GAS7: variants seen among roughly 807,000 people sequenced by gnomAD.
GAS7 encodes the protein growth arrest-specific protein 7.
In GAS7, 28 loss-of-function variants were observed where a neutral mutation model predicts 71.1. That is an observed-to-expected ratio of 0.39 (90% CI 0.29 to 0.54). The LOEUF is 0.54. GAS7 is among the 20% of genes least tolerant of loss of function. The pLI is 0.62. For missense variants in GAS7, 436 were observed against 627.8 expected, an observed-to-expected ratio of 0.69 and a Z score of 3.27; for synonymous variants, 258 against 245.8, an observed-to-expected ratio of 1.05 and a Z score of -0.46.
chr17:10,171,125 A>T (rs1240050582), intron 1 of GAS7, among the ~76,000 whole-genome samples: 6 of 152,180 alleles, frequency 3.9e-5, no homozygotes, highest in Admixed American at 3.3e-4. Context: ...TTCATGGAAA[A>T]TCCTAAAACT....
chr17:10,190,386 C>G (rs1338049847), intron 1 of GAS7, among the ~76,000 whole-genome samples: 1 of 151,836 alleles, frequency 6.6e-6, no homozygotes, highest in Non-Finnish European at 1.5e-5. Flanking sequence ...AGTTTGAGTC[C>G]AGCCTGACCA....
chr17:9,916,171 C>T lies in GAS7; in HGVS notation c.*1057G>A, dbSNP rs1367563483. 4.3e-6 allele frequency: 1 copy of T among 233,064 alleles called. No individual in the cohort carries two copies. The highest frequency in any genetic ancestry group is 2.2e-5 in the African/African-American group (1 of 45,330). The allele number at this position is 233,064 out of a possible 1,614,324, so 14.4% of individuals were successfully genotyped here. A position where few individuals can be genotyped will look rare whatever the true frequency, so the allele number is the denominator to read the frequency against. On this transcript the variant is annotated 3_prime_UTR_variant, in exon 14 of 14. Coordinates refer to ENST00000432992, the MANE Select transcript of GAS7 (RefSeq NM_201433.2). Reference sequence around the variant, plus strand: ...ACAGCAGTCCCAGCCCTGCCATACACAAGAAGACAGAGCCATCTGGGGGAT... The same window carrying T: ...ACAGCAGTCCCAGCCCTGCCATACATAAGAAGACAGAGCCATCTGGGGGAT...
intron 1 of GAS7, among the ~76,000 whole-genome samples, chr17:10,148,739 A>G (rs907473304): frequency 1.3e-4 from 20 of 151,420 alleles, no homozygotes; most frequent in African/African-American, 4.6e-4. Flanking sequence ...GTGAAACCCC[A>G]TCTCTACTAA....
At chr17:9,956,405 A>C (rs2069238370) in intron 5 of GAS7, among the ~76,000 whole-genome samples, 1 of 152,162 alleles carries the variant, frequency 6.6e-6, no homozygotes, top group African/African-American at 2.4e-5. Flanking sequence ...GAAGCCCTGA[A>C]GCTGAGGACC....
At chr17:10,083,397 C>T (rs1445998333) in intron 1 of GAS7, among the ~76,000 whole-genome samples, 3 of 152,142 alleles carry the variant, frequency 2.0e-5, no homozygotes, top group Non-Finnish European at 1.5e-5. Context: ...TGTGGTGGTG[C>T]ACGCCTGTAA....
intron 1 of GAS7, among the ~76,000 whole-genome samples, chr17:10,064,023 C>A (rs941755416): frequency 6.6e-6 from 1 of 152,184 alleles, no homozygotes; most frequent in Non-Finnish European, 1.5e-5. Flanking sequence ...CCCAACATGG[C>A]CCTCACCAGC....
At chr17:9,941,797 T>C (rs1291571882) in intron 7 of GAS7, among the ~76,000 whole-genome samples, 2 of 152,146 alleles carry the variant, frequency 1.3e-5, no homozygotes, top group East Asian at 1.9e-4. Flanking sequence ...TAATGGGTCA[T>C]AAAATAAGGA....
At chr17:9,962,115 T>C (rs2069519678) in intron 4 of GAS7, among the ~76,000 whole-genome samples, 1 of 152,170 alleles carries the variant, frequency 6.6e-6, no homozygotes, top group Non-Finnish European at 1.5e-5. Context: ...CTCTGTTCTA[T>C]TAGCAGTGTT....
At chr17:9,947,037 G>T in intron 5 of GAS7, 54 bp from the exon 6 acceptor site, 1 of 1,249,816 alleles carries the variant, frequency 8.0e-7, no homozygotes, top group Non-Finnish European at 1.2e-6. Context: ...GAATAGCGAG[G>T]AAGGCTTCGG....
At chr17:10,068,746 A>C (rs2073309216) in intron 1 of GAS7, among the ~76,000 whole-genome samples, 1 of 152,206 alleles carries the variant, frequency 6.6e-6, no homozygotes, top group East Asian at 1.9e-4. Context: ...CCTGGGTGAC[A>C]GAGTGAGATC....
chr17:9,918,335 C>A (rs746527314), intron 12 of GAS7, among the ~76,000 whole-genome samples: 1 of 152,186 alleles, frequency 6.6e-6, no homozygotes, highest in Non-Finnish European at 1.5e-5. Context: ...GAGGGCTTTA[C>A]GTGCGTTCCT....
At chr17:9,998,562 C>T (rs1057344221) in intron 2 of GAS7, among the ~76,000 whole-genome samples, 2 of 151,974 alleles carry the variant, frequency 1.3e-5, no homozygotes, top group Non-Finnish European at 2.9e-5. Flanking sequence ...AGCCCAGGAG[C>T]TCGAGACCAG....
chr17:9,985,759 A>G (rs970306662), intron 2 of GAS7, among the ~76,000 whole-genome samples: 1 of 152,208 alleles, frequency 6.6e-6, no homozygotes, highest in African/African-American at 2.4e-5. Context: ...AGAGGGGATC[A>G]ACGGCCCACC....
At chr17:10,069,626 G>A (rs2073319503) in intron 1 of GAS7, among the ~76,000 whole-genome samples, 1 of 152,110 alleles carries the variant, frequency 6.6e-6, no homozygotes, top group African/African-American at 2.4e-5. Flanking sequence ...TTGAACTGTG[G>A]TCCATTTGAC....
intron 1 of GAS7, among the ~76,000 whole-genome samples, chr17:10,101,212 C>T (rs2073695407): frequency 1.3e-5 from 2 of 152,162 alleles, no homozygotes; most frequent in African/African-American, 2.4e-5. Flanking sequence ...TCTCCCAAGG[C>T]TACAATCAAG....
chr17:10,016,973 A>G (rs1352065998), intron 2 of GAS7, among the ~76,000 whole-genome samples: 2 of 149,804 alleles, frequency 1.3e-5, no homozygotes, highest in Admixed American at 1.3e-4. Context: ...ATATAAAAAA[A>G]TAAAGAAATC....
At position 9,959,576 on chromosome 17, in the gene GAS7, C is replaced by T. The variant is rs1322774234; in HGVS notation, c.472-321G>A. On this transcript the variant is annotated intron_variant, in intron 4 of 13. Coordinates refer to ENST00000432992, the MANE Select transcript of GAS7 (RefSeq NM_201433.2). The surrounding 1 kb of genome is among the most constrained non-coding windows in gnomAD (Gnocchi z 5.0). ...CCCTCCGCTGCCCTCTGCTGGTGAACGTTCCGCGTGCCGCTTGCTGCCTGA... is the reference window on the plus strand; with the variant it reads ...CCCTCCGCTGCCCTCTGCTGGTGAATGTTCCGCGTGCCGCTTGCTGCCTGA... 1.4e-6 allele frequency: 1 copy of T among 711,006 alleles called. No homozygotes were observed. The highest frequency in any genetic ancestry group is 2.0e-6 in the Non-Finnish European group (1 of 501,796). The allele number at this position is 711,006 out of a possible 1,614,324, so 44.0% of individuals were successfully genotyped here. A position where few individuals can be genotyped will look rare whatever the true frequency, so the allele number is the denominator to read the frequency against.
intron 1 of GAS7, among the ~76,000 whole-genome samples, chr17:10,088,963 G>A (rs2073551686): frequency 6.6e-6 from 1 of 151,942 alleles, no homozygotes; most frequent in African/African-American, 2.4e-5. Context: ...TTCGAGACCA[G>A]CCTGACCAAT....
At chr17:10,025,170 A>G (rs1163488200) in intron 1 of GAS7, among the ~76,000 whole-genome samples, 2 of 152,192 alleles carry the variant, frequency 1.3e-5, no homozygotes, top group African/African-American at 4.8e-5. Flanking sequence ...TGGGAGGCCG[A>G]GGCAGGAGGA....
Sources: gnomAD v4.1 joint callset for allele counts (sites outside exome capture counted in the v4.1 genomes callset) on GRCh38, gnomAD v4.1.1 for gene constraint, Gnocchi (gnomAD v3.1) non-coding constraint, MANE v1.5 for transcripts, NCBI Gene and HGNC (gene_info 2026-07-23, HGNC 2026-07-21) for gene names.